The following COL6A6 variants were observed in gnomAD, a reference collection of about 807,000 sequenced individuals.
The protein encoded by COL6A6 is collagen type VI alpha 6 chain.
COL6A6 carries 183 observed loss-of-function variants against 208.6 expected under a neutral mutation model. The ratio of observed to expected loss-of-function variants is 0.88; its 90% CI spans 0.78 to 0.99. COL6A6 has a LOEUF of 0.99. Ranked by LOEUF, COL6A6 falls within the 50% of genes least tolerant of loss-of-function variation. The pLI is 0.00. For missense variants in COL6A6, 2,816 were observed against 2,815.2 expected, an observed-to-expected ratio of 1.00 and a Z score of -0.01; for synonymous variants, 973 against 1,011.8, an observed-to-expected ratio of 0.96 and a Z score of 0.73.
chr3:130,636,323 G>A (rs1351007264), intron 28 of COL6A6, among the ~76,000 whole-genome samples: 2 of 152,176 alleles, frequency 1.3e-5, no homozygotes, highest in Non-Finnish European at 2.9e-5. Context: ...ATAAACACAG[G>A]TCTCCAGTAC....
intron 13 of COL6A6, 62 bp downstream of exon 13, chr3:130,591,156 T>G (rs1352625420): frequency 8.3e-7 from 1 of 1,207,396 alleles, no homozygotes; most frequent in African/African-American, 1.5e-5. Context: ...ATGAATTTCC[T>G]TGAGTCAATT....
chr3:130,527,610 T>C (rs979748711), intron 1 of COL6A6, among the ~76,000 whole-genome samples: 3 of 152,242 alleles, frequency 2.0e-5, no homozygotes, highest in Non-Finnish European at 4.4e-5. Context: ...ATCACATCCT[T>C]GGCACTCTGC....
At chr3:130,615,446 A>G (rs990292353) in intron 23 of COL6A6, among the ~76,000 whole-genome samples, 1 of 152,300 alleles carries the variant, frequency 6.6e-6, no homozygotes, top group Non-Finnish European at 1.5e-5. Flanking sequence ...CTATATGTCT[A>G]TTAAATCAAG....
At chr3:130,548,531 A>T (rs1172921947) in intron 1 of COL6A6, among the ~76,000 whole-genome samples, 2 of 152,154 alleles carry the variant, frequency 1.3e-5, no homozygotes, top group Non-Finnish European at 2.9e-5. Flanking sequence ...GCTGGTTAGG[A>T]TCTCCTTAAC....
At chr3:130,517,867 G>A (rs912777404) in intron 1 of COL6A6, among the ~76,000 whole-genome samples, 11 of 152,230 alleles carry the variant, frequency 7.2e-5, no homozygotes, top group African/African-American at 2.4e-4. Flanking sequence ...TTTTGTTCTT[G>A]CACTTCACAC....
chr3:130,526,960 G>C (rs948222296), intron 1 of COL6A6, among the ~76,000 whole-genome samples: 3 of 152,164 alleles, frequency 2.0e-5, no homozygotes, highest in African/African-American at 7.2e-5. Context: ...TTATTCTATA[G>C]ATAAGGAAAA....
At chr3:130,626,846 C>CA (rs2064904074) in intron 25 of COL6A6, among the ~76,000 whole-genome samples, 1 of 152,160 alleles carries the variant, frequency 6.6e-6, no homozygotes, top group Non-Finnish European at 1.5e-5. Flanking sequence ...TTATCAGAGC[C>CA]TCTTCGTCAG....
chr3:130,586,772 AG>A, intron 11 of COL6A6, 112 bp downstream of exon 11: 1 of 1,065,800 alleles, frequency 9.4e-7, no homozygotes, highest in East Asian at 2.6e-5. Context: ...GAGTGAAGAA[AG>A]GTTTTTATGA....
intron 1 of COL6A6, among the ~76,000 whole-genome samples, chr3:130,537,436 C>A (rs2062252900): frequency 6.6e-6 from 1 of 152,294 alleles, no homozygotes; most frequent in South Asian, 2.1e-4. Context: ...CCAGTCAGCC[C>A]AGGGATCTTA....
intron 1 of COL6A6, among the ~76,000 whole-genome samples, chr3:130,531,041 C>G (rs869153471): frequency 1.7e-4 from 3 of 17,958 alleles, no homozygotes; most frequent in Non-Finnish European, 1.1e-3. Flanking sequence ...CACACACAGA[C>G]ACACACACAC....
At chr3:130,673,853 A>G (rs2066293909) in intron 36 of COL6A6, among the ~76,000 whole-genome samples, 1 of 152,078 alleles carries the variant, frequency 6.6e-6, no homozygotes, top group South Asian at 2.1e-4. Flanking sequence ...GCCATTCGGG[A>G]GGCTGAGGCA....
intron 18 of COL6A6, among the ~76,000 whole-genome samples, chr3:130,596,968 G>A (rs917898877): frequency 3.3e-5 from 5 of 152,158 alleles, no homozygotes; most frequent in Non-Finnish European, 5.9e-5. Context: ...AGTTGTATAC[G>A]TATAGAAAGA....
intron 23 of COL6A6, among the ~76,000 whole-genome samples, chr3:130,615,783 T>A (rs2064499083): frequency 6.6e-6 from 1 of 152,158 alleles, no homozygotes; most frequent in Non-Finnish European, 1.5e-5. Context: ...TATGGAGATG[T>A]GAGTGGGTGG....
chr3:130,661,611 A>T (rs2108457012), intron 34 of COL6A6, 26 bp from the exon 35 acceptor site: 1 of 1,564,208 alleles, frequency 6.4e-7, no homozygotes, highest in East Asian at 2.3e-5. Flanking sequence ...TCTACTTAGT[A>T]ACCCAGAGTA....
intron 28 of COL6A6, among the ~76,000 whole-genome samples, chr3:130,640,772 A>G (rs1361351189): frequency 1.3e-5 from 2 of 152,170 alleles, no homozygotes; most frequent in African/African-American, 4.8e-5. Flanking sequence ...TGTTGCTGTT[A>G]TTCCCCATTT....
chr3:130,556,184 T>C (rs1156318098), intron 1 of COL6A6, among the ~76,000 whole-genome samples: 1 of 152,264 alleles, frequency 6.6e-6, no homozygotes, highest in Non-Finnish European at 1.5e-5. Flanking sequence ...TGGCCTACCG[T>C]TCCATCCATG....
chr3:130,606,842 G>C, intron 20 of COL6A6, 89 bp from the exon 21 acceptor site: 1 of 952,308 alleles, frequency 1.1e-6, no homozygotes, highest in Non-Finnish European at 1.6e-6. Context: ...TATGTATGTT[G>C]GTGCCTTAAA....
At chr3:130,643,305 A>G (rs1239757691) in intron 31 of COL6A6, among the ~76,000 whole-genome samples, 2 of 152,224 alleles carry the variant, frequency 1.3e-5, no homozygotes, top group Non-Finnish European at 2.9e-5. Context: ...AGTGAAATCA[A>G]TCACTTGAGA....
intron 26 of COL6A6, 43 bp downstream of exon 26, chr3:130,627,412 T>C (rs763116103): frequency 6.3e-7 from 1 of 1,592,710 alleles, no homozygotes; most frequent in African/African-American, 1.3e-5. Context: ...CCATTTATTT[T>C]TTGTTGCTGG....
Sources: allele counts gnomAD v4.1 joint callset (sites outside exome capture counted in the v4.1 genomes callset), GRCh38; gene constraint gnomAD v4.1.1; transcripts MANE v1.5; gene names NCBI Gene and HGNC (gene_info 2026-07-23, HGNC 2026-07-21).